Variants in IL1RAPL1 observed in about 807,000 individuals in gnomAD.
IL1RAPL1 encodes interleukin-1 receptor accessory protein-like 1.
Under a neutral mutation model 48.4 loss-of-function variants are expected in IL1RAPL1, and 3 were observed. The ratio of observed to expected loss-of-function variants is 0.06; its 90% CI spans 0.03 to 0.16. The LOEUF is 0.16. IL1RAPL1 is among the 10% of genes least tolerant of loss of function. The pLI is 1.00. For synonymous variants in IL1RAPL1, 185 were observed against 187.7 expected, an observed-to-expected ratio of 0.99 and a Z score of 0.12; for missense variants, 349 against 530.6, an observed-to-expected ratio of 0.66 and a Z score of 3.36.
intron 2 of IL1RAPL1, among the ~76,000 whole-genome samples, chrX:29,240,415 A>G (rs1454278242): frequency 5.7e-5 from 6 of 104,848 alleles, no homozygotes; most frequent in Non-Finnish European, 9.7e-5. Context: ...TTGTATTTTT[A>G]GTAGAGACGG....
rs1601846610 is a variant in IL1RAPL1, at chrX:29,838,302, A to C, written c.779-79162A>C. 2.7e-5 allele frequency among the ~76,000 whole-genome samples: 3 copies of C among 112,562 alleles called. No individual in the cohort carries two copies. The South Asian group carries it at 1.1e-3, about 41-fold the overall frequency. ...ATATTCTGAATAATTCACATAACAC[A>C]ATGAGATGATCAGCATGGAAAAACT... On this transcript the variant is annotated intron_variant, in intron 6 of 10. Coordinates refer to ENST00000378993, the MANE Select transcript of IL1RAPL1 (RefSeq NM_014271.4).
chrX:29,271,349 G>C (rs1204844248), intron 2 of IL1RAPL1, among the ~76,000 whole-genome samples: 1 of 112,094 alleles, frequency 8.9e-6, no homozygotes, highest in Non-Finnish European at 1.9e-5. Context: ...CTTTATGACA[G>C]AACGATTTAT....
intron 2 of IL1RAPL1, among the ~76,000 whole-genome samples, chrX:28,845,881 A>G (rs1045490869): frequency 8.9e-6 from 1 of 111,953 alleles, no homozygotes. Flanking sequence ...CTCATTATCA[A>G]CATCCCCCAC....
chrX:29,131,431 A>AG (rs113424446), intron 2 of IL1RAPL1, among the ~76,000 whole-genome samples: 105 of 110,378 alleles, frequency 9.5e-4, no homozygotes, highest in African/African-American at 3.4e-3. Flanking sequence ...TAAAGTATAG[A>AG]GGGGGGTATT....
chrX:28,845,044 C>T (rs1330946546), intron 2 of IL1RAPL1, among the ~76,000 whole-genome samples: 1 of 111,825 alleles, frequency 8.9e-6, no homozygotes, highest in African/African-American at 3.2e-5. Context: ...TGAAATATCA[C>T]ACCTTTTCAG....
chrX:29,225,651 A>G (rs1296763386), intron 2 of IL1RAPL1, among the ~76,000 whole-genome samples: 1 of 111,827 alleles, frequency 8.9e-6, no homozygotes, highest in African/African-American at 3.3e-5. Context: ...ACTGGAGGAC[A>G]TAGGCAGGAT....
chrX:29,687,627 T>C (rs1486473843), intron 6 of IL1RAPL1, among the ~76,000 whole-genome samples: 1 of 111,876 alleles, frequency 8.9e-6, no homozygotes, highest in Non-Finnish European at 1.9e-5. Flanking sequence ...AATGTATATT[T>C]CAAAATAGCT....
intron 6 of IL1RAPL1, among the ~76,000 whole-genome samples, chrX:29,833,454 C>T (rs1930927131): frequency 9.0e-6 from 1 of 110,980 alleles, no homozygotes; most frequent in South Asian, 3.8e-4. Flanking sequence ...CACCTTATTA[C>T]ATTAATCCCC....
intron 1 of IL1RAPL1, among the ~76,000 whole-genome samples, chrX:28,727,892 G>A (rs1411383115): frequency 3.7e-5 from 4 of 108,451 alleles, no homozygotes; most frequent in Non-Finnish European, 7.6e-5. Context: ...GACACAGGAA[G>A]GGGAACATCA....
intron 3 of IL1RAPL1, among the ~76,000 whole-genome samples, chrX:29,347,273 C>A (rs1303949264): frequency 2.7e-5 from 3 of 111,711 alleles, no homozygotes; most frequent in Non-Finnish European, 3.8e-5. Context: ...AGAGGTGCAA[C>A]TGCAAAACTA....
intron 2 of IL1RAPL1, among the ~76,000 whole-genome samples, chrX:29,071,588 G>A (rs975432042): frequency 3.6e-5 from 4 of 111,989 alleles, no homozygotes; most frequent in African/African-American, 1.3e-4. Flanking sequence ...CAAACCTTCA[G>A]TCTTTCCAAC....
intron 3 of IL1RAPL1, among the ~76,000 whole-genome samples, chrX:29,302,629 C>T (rs1207020099): frequency 9.0e-6 from 1 of 111,583 alleles, no homozygotes; most frequent in Non-Finnish European, 1.9e-5. Context: ...GGGTACAAAA[C>T]GGGAGAGCTG....
rs1277713481 is a variant in IL1RAPL1, at chrX:29,373,182, G to A, written c.363-23076G>A. On this transcript the variant is annotated intron_variant, in intron 3 of 10. Transcript: ENST00000378993. ...TCCTAGGTATTTTTTTGTTACTACT[G>A]TAAATGGGATTATGTTGTGATCTGA... is the stretch of plus-strand genomic sequence containing the variant. 4.5e-5 allele frequency among the ~76,000 whole-genome samples: 5 copies of A among 110,881 alleles called. No individual in the cohort carries two copies. The Admixed American group carries it at 4.8e-4, about 11-fold the overall frequency.
intron 1 of IL1RAPL1, among the ~76,000 whole-genome samples, chrX:28,742,191 T>G (rs1223515210): frequency 9.0e-6 from 1 of 111,059 alleles, no homozygotes; most frequent in Non-Finnish European, 1.9e-5. Context: ...CCGAAAATGG[T>G]CAAACTAAGA....
At chrX:29,000,879 A>G (rs1925835791) in intron 2 of IL1RAPL1, among the ~76,000 whole-genome samples, 1 of 105,788 alleles carries the variant, frequency 9.5e-6, no homozygotes, top group African/African-American at 3.5e-5. Flanking sequence ...TATCCTGGGG[A>G]CATAGCATGA....
At chrX:28,672,716 A>AG (rs967491692) in intron 1 of IL1RAPL1, among the ~76,000 whole-genome samples, 14 of 111,665 alleles carry the variant, frequency 1.3e-4, no homozygotes, top group African/African-American at 4.6e-4. Context: ...CATTATTTCC[A>AG]GGGTCCTGCT....
At chrX:29,310,058 C>T (rs1430290799) in intron 3 of IL1RAPL1, among the ~76,000 whole-genome samples, 1 of 83,899 alleles carries the variant, frequency 1.2e-5, no homozygotes, top group African/African-American at 4.7e-5. Flanking sequence ...TGCACCACTG[C>T]ACTCCAGCTT....
intron 3 of IL1RAPL1, among the ~76,000 whole-genome samples, chrX:29,334,213 T>A (rs79483461): frequency 7.9e-5 from 4 of 50,691 alleles, no homozygotes; most frequent in African/African-American, 2.8e-4. Context: ...CCCCCCCACC[T>A]CCCTCCCGGA....
chrX:29,024,803 G>A (rs775224279), intron 2 of IL1RAPL1, among the ~76,000 whole-genome samples: 4 of 111,685 alleles, frequency 3.6e-5, no homozygotes, highest in African/African-American at 1.3e-4. Flanking sequence ...GCATTATCAT[G>A]ATATAATTCA....
Sources: allele counts gnomAD v4.1 joint callset (sites outside exome capture counted in the v4.1 genomes callset), GRCh38; gene constraint gnomAD v4.1.1; transcripts MANE v1.5; gene names NCBI Gene and HGNC (gene_info 2026-07-23, HGNC 2026-07-21).